The following AAGAB variants were observed in gnomAD, a reference collection of about 807,000 sequenced individuals.
AAGAB encodes the protein alpha and gamma adaptin binding protein, also known as alpha- and gamma-adaptin-binding protein p34.
AAGAB carries 38 observed loss-of-function variants against 44.1 expected under a neutral mutation model. The ratio of observed to expected loss-of-function variants is 0.86; its 90% CI spans 0.67 to 1.13. The LOEUF (loss-of-function observed/expected upper bound fraction) is 1.13. AAGAB is among the 50% of genes most tolerant of loss of function. The pLI, the probability that AAGAB is intolerant of heterozygous loss-of-function variation, is 0.00. For missense variants in AAGAB, 450 were observed against 373.8 expected, an observed-to-expected ratio of 1.20 and a Z score of -1.68; for synonymous variants, 131 against 131.8, an observed-to-expected ratio of 0.99 and a Z score of 0.04.
intron 5 of AAGAB, among the ~76,000 whole-genome samples, chr15:67,229,974 G>A (rs995992810): frequency 2.6e-5 from 4 of 151,848 alleles, no homozygotes; most frequent in Non-Finnish European, 4.4e-5. Context: ...AGCCTCCTGA[G>A]TAGCTGGGAT....
intron 1 of AAGAB, among the ~76,000 whole-genome samples, chr15:67,244,308 C>T (rs1035237322): frequency 1.6e-4 from 24 of 152,092 alleles, no homozygotes; most frequent in African/African-American, 5.3e-4. Flanking sequence ...AGATGGTCAA[C>T]GAATCATGGA....
Position 67,240,000 on chromosome 15 carries a change from G to A in AAGAB, c.74-3180C>T, listed in dbSNP as rs143038076. Among the ~76,000 whole-genome samples, 831 of 152,226 alleles carry A rather than the reference G, an allele frequency of 5.5e-3. 3 individuals carry two copies. The highest frequency in any genetic ancestry group is 9.4e-3 in the Non-Finnish European group (638 of 68,002). ...CAGAGCCTAAAACTGGATTCAATTCGCCAACATTCTTTCCTACTACACCGT... is the reference window on the plus strand; with the variant it reads ...CAGAGCCTAAAACTGGATTCAATTCACCAACATTCTTTCCTACTACACCGT... On this transcript the variant is annotated intron_variant, in intron 1 of 9. Transcript: ENST00000261880.
chr15:67,247,725 C>G (rs1402767774), intron 1 of AAGAB, among the ~76,000 whole-genome samples: 1 of 152,188 alleles, frequency 6.6e-6, no homozygotes, highest in African/African-American at 2.4e-5. Flanking sequence ...AAATTCTCTA[C>G]TCTACAAGTA....
rs1963786638 is a variant in AAGAB, at chr15:67,210,324, G to C, written c.536-780C>G. 2.0e-5 allele frequency among the ~76,000 whole-genome samples: 3 copies of C among 152,122 alleles called. No individual in the cohort carries two copies. The South Asian group carries it at 6.2e-4, about 32-fold the overall frequency. ...AAGGTCAGGAGTTCAAGACCAGCCTGATCAACATGGTGAAGCCTTGTCTCT... is the reference window on the plus strand; with the variant it reads ...AAGGTCAGGAGTTCAAGACCAGCCTCATCAACATGGTGAAGCCTTGTCTCT... On this transcript the variant is annotated intron_variant, in intron 5 of 9. Coordinates refer to ENST00000261880, the MANE Select transcript of AAGAB (RefSeq NM_024666.5).
At chr15:67,208,158 A>C (rs1963727466) in intron 7 of AAGAB, among the ~76,000 whole-genome samples, 1 of 152,240 alleles carries the variant, frequency 6.6e-6, no homozygotes, top group Non-Finnish European at 1.5e-5. Context: ...CAAATGAGAA[A>C]GGGGATATAA....
chr15:67,240,473 G>GT (rs1246080641), intron 1 of AAGAB, among the ~76,000 whole-genome samples: 1 of 152,126 alleles, frequency 6.6e-6, no homozygotes, highest in Non-Finnish European at 1.5e-5. Context: ...TTTTTTAAGA[G>GT]ACAAACACTA....
At chr15:67,236,928 A>G in intron 1 of AAGAB, 108 bp from the exon 2 acceptor site, 1 of 837,372 alleles carries the variant, frequency 1.2e-6, no homozygotes, top group African/African-American at 1.7e-5. Flanking sequence ...GTTTCCTTTT[A>G]TGTGAGGATT....
rs564929236 is a variant in AAGAB at position 67,215,015 on chromosome 15, C to T, written c.536-5471G>A. On this transcript the variant is annotated intron_variant, in intron 5 of 9. Coordinates refer to ENST00000261880, the MANE Select transcript of AAGAB (RefSeq NM_024666.5). ...AAGGAAAAAAAGCATTAAAAAGACT[C>T]AATCATTCTCTCTTGTCGGCAGTGA... 1.1e-4 allele frequency among the ~76,000 whole-genome samples: 16 copies of T among 152,084 alleles called. No homozygotes were observed. The South Asian group carries it at 3.3e-3, about 32-fold the overall frequency.
At chr15:67,254,963 C>T (rs3743347), upstream of AAGAB, 3 of 1,608,712 alleles carry the variant, frequency 1.9e-6, no homozygotes, top group African/African-American at 4.0e-5. Flanking sequence ...AAACGGGCTT[C>T]CCCCGGCCCT....
chr15:67,254,403 G>A, intron 1 of AAGAB, 156 bp downstream of exon 1: 5 of 1,424,572 alleles, frequency 3.5e-6, no homozygotes, highest in South Asian at 1.6e-5. Context: ...TTAAGAGATA[G>A]GGGCAGCCAC....
intron 5 of AAGAB, among the ~76,000 whole-genome samples, chr15:67,228,768 C>T (rs1964264583): frequency 6.6e-6 from 1 of 152,162 alleles, no homozygotes; most frequent in Admixed American, 6.5e-5. Flanking sequence ...ATGTGGTACA[C>T]ATACACCACG....
chr15:67,234,495 A>G (rs1044993008), intron 4 of AAGAB, among the ~76,000 whole-genome samples: 1 of 152,194 alleles, frequency 6.6e-6, no homozygotes, highest in Admixed American at 6.5e-5. Flanking sequence ...TCCTATATTC[A>G]TGTTTGAATA....
At chr15:67,208,696 T>C (rs1009135875) in intron 6 of AAGAB, 38 bp from the exon 7 acceptor site, 11 of 1,574,034 alleles carry the variant, frequency 7.0e-6, no homozygotes, top group Non-Finnish European at 9.6e-6. Context: ...AATTTAATCG[T>C]AGTCTATTTC....
At chr15:67,251,632 G>T (rs534179632) in intron 1 of AAGAB, among the ~76,000 whole-genome samples, 1 of 152,294 alleles carries the variant, frequency 6.6e-6, no homozygotes, top group African/African-American at 2.4e-5. Flanking sequence ...AGATAGATCA[G>T]ATGTCCAAAG....
intron 5 of AAGAB, among the ~76,000 whole-genome samples, chr15:67,222,282 A>ACACCCCC (rs796412643): frequency 7.2e-6 from 1 of 139,850 alleles, no homozygotes; most frequent in Non-Finnish European, 1.6e-5. Flanking sequence ...ACACACACAC[A>ACACCCCC]CCCTCCACCC....
rs151187135 is a variant in AAGAB, at chr15:67,209,696, A to T, written c.536-152T>A. 7 of 650,652 alleles carry T rather than the reference A, an allele frequency of 1.1e-5. No individual in the cohort carries two copies. The African/African-American group carries it at 1.1e-4, about 10-fold the overall frequency. 40.3% of individuals were successfully genotyped at this position (650,652 alleles called of 1,614,324 possible). On this transcript the variant is annotated intron_variant, in intron 5 of 9. Coordinates refer to ENST00000261880, the MANE Select transcript of AAGAB (RefSeq NM_024666.5). ...GAGACAGGGTCTCACTCTGTAGCCC[A>T]GGCTAGAGTGCAGTGGCACAATCAC...
chr15:67,246,149 G>A (rs568915879), intron 1 of AAGAB, among the ~76,000 whole-genome samples: 2 of 152,212 alleles, frequency 1.3e-5, no homozygotes, highest in African/African-American at 4.8e-5. Context: ...GGGAGGCCAA[G>A]GTGAGCGGAT....
chr15:67,217,332 G>A (rs1963973740), intron 5 of AAGAB, among the ~76,000 whole-genome samples: 1 of 152,182 alleles, frequency 6.6e-6, no homozygotes, highest in Non-Finnish European at 1.5e-5. Flanking sequence ...GAGAACACGG[G>A]TAAAGACAGA....
Position 67,254,610 on chromosome 15 carries a change from C to T in AAGAB, c.22G>A (p.Ala8Thr), listed in dbSNP as rs1478343797. MAAGVPC[A>T]LVTSCSSVFS... Reference sequence around the variant, plus strand: ...ACGGAGGAGCAGCTGGTGACTAACGCACAGGGTACGCCAGCAGCCATAGCT... The same window carrying T: ...ACGGAGGAGCAGCTGGTGACTAACGTACAGGGTACGCCAGCAGCCATAGCT... The change falls in exon 1 of 10, where the codon GCG (alanine) becomes ACG (threonine). Residue 8 changes from alanine (A) to threonine (T), a missense_variant. Coordinates refer to ENST00000261880, the MANE Select transcript of AAGAB (RefSeq NM_024666.5). 6.2e-7 allele frequency: 1 copy of T among 1,607,704 alleles called. No individual in the cohort carries two copies. Among genetic ancestry groups the T allele is most frequent in the Admixed American group, 1.7e-5 (1 of 59,420 alleles).
Sources: gnomAD v4.1 joint callset for allele counts (sites outside exome capture counted in the v4.1 genomes callset) on GRCh38, gnomAD v4.1.1 for gene constraint, MANE v1.5 for transcripts, NCBI Gene and HGNC (gene_info 2026-07-23, HGNC 2026-07-21) for gene names.